WDHD1: variants seen among roughly 807,000 people sequenced by gnomAD.
The protein encoded by WDHD1 is WD repeat and HMG-box DNA binding protein 1.
In WDHD1, 111 loss-of-function variants were observed where a neutral mutation model predicts 135.4. That is an observed-to-expected ratio of 0.82 (90% CI 0.70 to 0.96). The LOEUF (loss-of-function observed/expected upper bound fraction) is 0.96. WDHD1 is among the 40% of genes least tolerant of loss of function. The pLI is 0.00. For missense variants in WDHD1, 1,351 were observed against 1,336.3 expected (o/e 1.01, Z -0.17); for synonymous variants, 434 against 439.0 (o/e 0.99, Z 0.14).
At chr14:55,005,291 G>T in intron 7 of WDHD1, 1 of 547,488 alleles carries the variant, frequency 1.8e-6, no homozygotes, top group Non-Finnish European at 3.6e-6. Flanking sequence ...CTCTGTGAGA[G>T]GCTGGTGATC....
At chr14:55,009,764 A>C (rs2042135116) in intron 4 of WDHD1, among the ~76,000 whole-genome samples, 1 of 151,850 alleles carries the variant, frequency 6.6e-6, no homozygotes, top group African/African-American at 2.4e-5. Context: ...CCATCAAGCT[A>C]TGCTTTCAGT....
rs2041349889 is a variant in WDHD1, at chr14:54,966,601, T to C, written c.2184A>G (p.Gln728=). ...IATEKGQMEE[Q]FWRSVIFHNH... ...TGTGAAATATAACTGAACGCCAAAA[T>C]TGCTCCTATAAAAGCAAATAAAATT... The change falls in exon 18 of 26, where the codon CAA becomes CAG. Residue 728 remains glutamine, a synonymous_variant. Transcript: ENST00000360586. 1.2e-6 allele frequency: 2 copies of C among 1,603,522 alleles called. No homozygotes were observed. The highest frequency in any genetic ancestry group is 1.3e-5 in the African/African-American group (1 of 74,322).
chr14:54,996,565 A>T (rs1316732630), intron 10 of WDHD1, among the ~76,000 whole-genome samples: 1 of 152,108 alleles, frequency 6.6e-6, no homozygotes, highest in Admixed American at 6.5e-5. Flanking sequence ...TCACCACTGC[A>T]CTCCAGCCTG....
At chr14:54,990,486 C>A (rs2041767237) in intron 12 of WDHD1, among the ~76,000 whole-genome samples, 1 of 151,808 alleles carries the variant, frequency 6.6e-6, no homozygotes, top group African/African-American at 2.4e-5. Flanking sequence ...GTCCCAGCTA[C>A]TCGGGAGGCT....
chr14:54,957,635 C>T lies in WDHD1; in HGVS notation c.2702G>A (p.Gly901Asp). Residue 901 changes from glycine to aspartate, a missense_variant and splice_region_variant, in exon 22 of 26, where the codon GGT becomes GAT. Transcript: ENST00000360586. ...TCCTTGGCTGCTAAAGGTAACTGCA[C>T]CTTTCACAAAAAAGAAACCCTTGCT... Reference protein sequence around the residue: ...TNSSDVSAKSGAVTFSSQGRV... With the variant: ...TNSSDVSAKSDAVTFSSQGRV... The T allele has an allele frequency of 6.2e-7, 1 of 1,605,306 alleles. No individual in the cohort carries two copies. Among genetic ancestry groups the T allele is most frequent in the East Asian group, 2.2e-5 (1 of 44,770 alleles).
intron 21 of WDHD1, among the ~76,000 whole-genome samples, chr14:54,959,105 T>A (rs968517645): frequency 1.3e-5 from 2 of 152,264 alleles, no homozygotes; most frequent in African/African-American, 4.8e-5. Flanking sequence ...GCATGGTGGC[T>A]TAAGCCTGTA....
At chr14:54,986,458 A>C (rs1367609938) in intron 14 of WDHD1, among the ~76,000 whole-genome samples, 1 of 152,114 alleles carries the variant, frequency 6.6e-6, no homozygotes, top group Non-Finnish European at 1.5e-5. Flanking sequence ...GTGAGCCACC[A>C]CACCACACCA....
intron 2 of WDHD1, among the ~76,000 whole-genome samples, chr14:55,023,280 A>G (rs1274828735): frequency 6.6e-6 from 1 of 152,206 alleles, no homozygotes; most frequent in Non-Finnish European, 1.5e-5. Flanking sequence ...ATGCCTTTCT[A>G]TTGCAATCCT....
In WDHD1 at chr14:55,007,376, C is replaced by T. The variant is rs2042091574; in HGVS notation, c.505-1G>A. The T allele has an allele frequency of 1.3e-5, 21 of 1,574,576 alleles. No homozygotes were observed. Among genetic ancestry groups the T allele is most frequent in the Non-Finnish European group, 1.7e-5 (20 of 1,164,988 alleles). ...GCAGTGGCCAACTAATAGCACATGT[C>T]TAATTGGTAAAAAAAGAAAATTTCT... On this transcript the variant is annotated splice_acceptor_variant, in intron 6 of 25. Transcript: ENST00000360586. LOFTEE classifies it high-confidence loss of function.
intron 11 of WDHD1, among the ~76,000 whole-genome samples, chr14:54,994,134 T>C (rs1425505415): frequency 6.6e-6 from 1 of 152,226 alleles, no homozygotes; most frequent in Non-Finnish European, 1.5e-5. Flanking sequence ...AATGTTCAAG[T>C]GTTATTGTAG....
intron 24 of WDHD1, among the ~76,000 whole-genome samples, chr14:54,951,246 G>A (rs1018424156): frequency 2.0e-4 from 30 of 151,520 alleles, no homozygotes; most frequent in Admixed American, 3.9e-4. Flanking sequence ...CTGATAGACC[G>A]CTAGCAAGAC....
intron 18 of WDHD1, among the ~76,000 whole-genome samples, chr14:54,964,367 G>A (rs1005867734): frequency 2.6e-5 from 4 of 152,032 alleles, no homozygotes; most frequent in Non-Finnish European, 4.4e-5. Flanking sequence ...GAAGCCGGGC[G>A]CAGTGGCTCA....
In WDHD1 at chr14:54,987,168, C is replaced by T. The variant is rs2041706869; in HGVS notation, c.1746G>A (p.Gln582=). The T allele has an allele frequency of 6.2e-7, 1 of 1,614,036 alleles. No individual in the cohort carries two copies. The highest frequency in any genetic ancestry group is 8.5e-7 in the Non-Finnish European group (1 of 1,179,976). The change falls in exon 14 of 26, where the codon CAG becomes CAA. Residue 582 remains glutamine, a synonymous_variant. Transcript: ENST00000360586. ...TACCTCTGTGATAAACAATGAAAAGCTGTTCTCCATGTCCTGCCATTGACA... is the reference window on the plus strand; with the variant it reads ...TACCTCTGTGATAAACAATGAAAAGTTGTTCTCCATGTCCTGCCATTGACA... ...PVVSMAGHGE[Q]LFIVYHRGTG...
At chr14:54,966,387 ACTTAGTC>A in intron 18 of WDHD1, 81 bp downstream of exon 18, 1 of 1,424,098 alleles carries the variant, frequency 7.0e-7, no homozygotes, top group Non-Finnish European at 9.3e-7. Context: ...AGGTTGTGGG[ACTTAGTC>A]CTAATGCACA....
chr14:54,940,036 A>G lies in WDHD1; in HGVS notation c.*1454T>C, dbSNP rs1384046646. 1 of 152,248 alleles carries G rather than the reference A, an allele frequency of 6.6e-6. No homozygotes were observed. Among genetic ancestry groups the G allele is most frequent in the African/African-American group, 2.4e-5 (1 of 41,464 alleles). 9.4% of individuals were successfully genotyped at this position (152,248 alleles called of 1,614,324 possible). A position where few individuals can be genotyped will look rare whatever the true frequency, so the allele number is the denominator to read the frequency against. ...ATAGTATTCAGAATCAAACCTAATG[A>G]CAAAGCAAGATGAAATAACCAACAG... On this transcript the variant is annotated 3_prime_UTR_variant, in exon 26 of 26. Coordinates refer to ENST00000360586, the MANE Select transcript of WDHD1 (RefSeq NM_007086.4).
chr14:55,019,618 C>T (rs2042312576), intron 2 of WDHD1, among the ~76,000 whole-genome samples: 1 of 152,122 alleles, frequency 6.6e-6, no homozygotes, highest in African/African-American at 2.4e-5. Context: ...CCTGTAACCC[C>T]AGCACTTTGG....
rs770565630 is a variant in WDHD1 at position 54,991,268 on chromosome 14, C to CT, written c.1285_1286insA (p.Arg429GlnfsTer31). 1.9e-6 allele frequency: 3 copies of CT among 1,613,008 alleles called. No homozygotes were observed. Among genetic ancestry groups the CT allele is most frequent in the Non-Finnish European group, 2.5e-6 (3 of 1,179,244 alleles). On this transcript the variant is annotated frameshift_variant, in exon 12 of 26. Coordinates refer to ENST00000360586, the MANE Select transcript of WDHD1 (RefSeq NM_007086.4). LOFTEE classifies it high-confidence loss of function. ...AGAACCTGACTGAAATGGCTTTTGC[C>CT]GGGGAGTTGGCATGGGTCCATCATA... is the stretch of plus-strand genomic sequence containing the variant.
chr14:54,966,176 A>T (rs1471891324), intron 18 of WDHD1, among the ~76,000 whole-genome samples: 1 of 149,664 alleles, frequency 6.7e-6, no homozygotes, highest in Non-Finnish European at 1.5e-5. Context: ...AAAAAAAAAA[A>T]AAAAAAAAAA....
chr14:54,950,065 C>T (rs1007406621), intron 24 of WDHD1, among the ~76,000 whole-genome samples: 4 of 152,158 alleles, frequency 2.6e-5, no homozygotes, highest in African/African-American at 9.7e-5. Context: ...ACCATCAAGG[C>T]TAGGAAGAAA....
Sources: allele counts gnomAD v4.1 joint callset (sites outside exome capture counted in the v4.1 genomes callset), GRCh38; gene constraint gnomAD v4.1.1; transcripts MANE v1.5; gene names NCBI Gene and HGNC (gene_info 2026-07-23, HGNC 2026-07-21).